NR1H4: variants seen among roughly 807,000 people sequenced by gnomAD.
NR1H4 encodes nuclear receptor subfamily 1 group H member 4.
A neutral mutation model predicts 58.5 loss-of-function variants in NR1H4; 23 were observed. The ratio of observed to expected loss-of-function variants is 0.39; its 90% CI spans 0.28 to 0.56. NR1H4 has a LOEUF of 0.56. NR1H4 is among the 20% of genes least tolerant of loss of function. The pLI, the probability that NR1H4 is intolerant of heterozygous loss-of-function variation, is 0.58. For missense variants in NR1H4, 487 were observed against 576.9 expected (o/e 0.84, Z 1.60); for synonymous variants, 214 against 198.0 (o/e 1.08, Z -0.68).
At chr12:100,523,682 A>T (rs1203938365) in intron 4 of NR1H4, among the ~76,000 whole-genome samples, 3 of 152,076 alleles carry the variant, frequency 2.0e-5, no homozygotes, top group Non-Finnish European at 4.4e-5. Flanking sequence ...GTGAATTCTT[A>T]TTTGTTATTC....
chr12:100,481,470 G>A (rs1593033961), intron 1 of NR1H4, among the ~76,000 whole-genome samples: 2 of 152,276 alleles, frequency 1.3e-5, no homozygotes, highest in African/African-American at 4.8e-5. Context: ...GGAAATTCGC[G>A]AGATTAATTA....
intron 9 of NR1H4, among the ~76,000 whole-genome samples, chr12:100,542,960 A>T (rs1030344925): frequency 1.1e-4 from 17 of 152,160 alleles, no homozygotes; most frequent in African/African-American, 4.1e-4. Flanking sequence ...TCCCCTAAGA[A>T]GCTTACAGTC....
At chr12:100,517,421 C>T (rs2136184513) in intron 4 of NR1H4, among the ~76,000 whole-genome samples, 1 of 152,192 alleles carries the variant, frequency 6.6e-6, no homozygotes, top group South Asian at 2.1e-4. Context: ...TTTTCTTGAT[C>T]CAGTCATCCA....
chr12:100,485,623 C>G (rs536887820), intron 1 of NR1H4, among the ~76,000 whole-genome samples: 5 of 151,966 alleles, frequency 3.3e-5, no homozygotes, highest in Non-Finnish European at 5.9e-5. Context: ...ACCTCCACTT[C>G]CTGGGTTCAA....
At chr12:100,550,342 A>G (rs2136287198) in intron 9 of NR1H4, among the ~76,000 whole-genome samples, 1 of 152,174 alleles carries the variant, frequency 6.6e-6, no homozygotes, top group East Asian at 1.9e-4. Flanking sequence ...GTTTGCTAAC[A>G]CTGAATGAGT....
At chr12:100,538,947 A>G (rs1312435000) in intron 8 of NR1H4, among the ~76,000 whole-genome samples, 1 of 152,238 alleles carries the variant, frequency 6.6e-6, no homozygotes, top group Non-Finnish European at 1.5e-5. Context: ...GGATTATATA[A>G]GAGTAAAAAC....
intron 9 of NR1H4, among the ~76,000 whole-genome samples, chr12:100,550,469 A>G (rs1229953575): frequency 7.2e-5 from 11 of 152,222 alleles, no homozygotes; most frequent in Middle Eastern, 3.4e-3. Context: ...GGTTCAGGCA[A>G]TTCTCCAGCC....
intron 7 of NR1H4, 125 bp from the exon 8 acceptor site, chr12:100,536,823 C>T (rs1469142277): frequency 1.2e-5 from 8 of 693,324 alleles, no homozygotes; most frequent in Non-Finnish European, 2.0e-5. Context: ...CTCCAAAGAT[C>T]TGAGAAATAG....
At chr12:100,531,027 A>G (rs1954678939) in intron 4 of NR1H4, among the ~76,000 whole-genome samples, 1 of 152,202 alleles carries the variant, frequency 6.6e-6, no homozygotes, top group African/African-American at 2.4e-5. Context: ...TTATGGGGTT[A>G]TCTTAGGTCC....
chr12:100,544,156 G>T (rs1005382157), intron 9 of NR1H4, among the ~76,000 whole-genome samples: 3 of 150,988 alleles, frequency 2.0e-5, no homozygotes, highest in Admixed American at 1.3e-4. Context: ...GGAGGCTGAG[G>T]CAGGAGAATG....
chr12:100,504,586 A>G (rs1953914021), intron 3 of NR1H4, among the ~76,000 whole-genome samples: 1 of 152,222 alleles, frequency 6.6e-6, no homozygotes, highest in Non-Finnish European at 1.5e-5. Context: ...CAATCACAAA[A>G]GTATACATGT....
At chr12:100,532,963 A>ATTGTATGAATTGTATT (rs1954730954) in intron 5 of NR1H4, among the ~76,000 whole-genome samples, 1 of 152,234 alleles carries the variant, frequency 6.6e-6, no homozygotes, top group Non-Finnish European at 1.5e-5. Flanking sequence ...TTGCTTAATT[A>ATTGTATGAATTGTATT]GCATACAAAT....
intron 4 of NR1H4, among the ~76,000 whole-genome samples, chr12:100,526,523 C>G (rs947611520): frequency 1.3e-5 from 2 of 152,172 alleles, no homozygotes; most frequent in Non-Finnish European, 2.9e-5. Flanking sequence ...TCACAACTCT[C>G]CCGGCTGATG....
At chr12:100,511,592 GAA>G (rs1252032612) in intron 4 of NR1H4, among the ~76,000 whole-genome samples, 1 of 149,880 alleles carries the variant, frequency 6.7e-6, no homozygotes, top group African/African-American at 2.5e-5. Context: ...GAGAAAGAGA[GAA>G]AGAAAGAGCC....
chr12:100,552,490 G>A (rs960084476), intron 9 of NR1H4, among the ~76,000 whole-genome samples: 2 of 152,084 alleles, frequency 1.3e-5, no homozygotes, highest in African/African-American at 4.8e-5. Flanking sequence ...GGCATCCCTT[G>A]TCCCCATCAC....
At chr12:100,514,494 T>C (rs1954213120) in intron 4 of NR1H4, among the ~76,000 whole-genome samples, 1 of 152,174 alleles carries the variant, frequency 6.6e-6, no homozygotes, top group Non-Finnish European at 1.5e-5. Context: ...TGGGGGGATG[T>C]CTTGTACATA....
At chr12:100,543,607 G>A (rs1056086304) in intron 9 of NR1H4, among the ~76,000 whole-genome samples, 1 of 151,714 alleles carries the variant, frequency 6.6e-6, no homozygotes, top group Admixed American at 6.6e-5. Context: ...AGGGGAAAAT[G>A]TTGAATCAGG....
At chr12:100,549,969 G>A (rs1955167971) in intron 9 of NR1H4, among the ~76,000 whole-genome samples, 2 of 152,074 alleles carry the variant, frequency 1.3e-5, no homozygotes, top group Admixed American at 1.3e-4. Flanking sequence ...TTTAATTCCA[G>A]AGTAACATAA....
intron 4 of NR1H4, among the ~76,000 whole-genome samples, chr12:100,512,456 C>T (rs1358261392): frequency 2.6e-5 from 4 of 151,986 alleles, no homozygotes; most frequent in Admixed American, 6.5e-5. Context: ...CTGACTAACA[C>T]GGTGAAACCC....
Sources: allele counts gnomAD v4.1 joint callset (sites outside exome capture counted in the v4.1 genomes callset), GRCh38; gene constraint gnomAD v4.1.1; transcripts MANE v1.5; gene names NCBI Gene and HGNC (gene_info 2026-07-23, HGNC 2026-07-21).